KHDRBS2: variants seen among roughly 807,000 people sequenced by gnomAD.
The protein encoded by KHDRBS2 is KH domain-containing, RNA-binding, signal transduction-associated protein 2.
A neutral mutation model predicts 44.3 loss-of-function variants in KHDRBS2; 26 were observed. The ratio of observed to expected loss-of-function variants is 0.59; its 90% CI spans 0.43 to 0.81. The LOEUF is 0.81. Among genes scored for constraint, KHDRBS2 ranks in the 40% least tolerant of loss-of-function variants. The pLI, the probability that KHDRBS2 is intolerant of heterozygous loss-of-function variation, is 0.00. For missense variants in KHDRBS2, 476 were observed against 433.1 expected, an observed-to-expected ratio of 1.10 and a Z score of -0.88; for synonymous variants, 194 against 151.1, an observed-to-expected ratio of 1.28 and a Z score of -2.08.
At chr6:62,087,481 A>G (rs1402404825) in intron 2 of KHDRBS2, among the ~76,000 whole-genome samples, 12 of 152,132 alleles carry the variant, frequency 7.9e-5, no homozygotes, top group African/African-American at 2.9e-4. Context: ...GAAAATTTAA[A>G]GGCCAAAAAG....
chr6:62,040,796 A>C (rs1196523623), intron 3 of KHDRBS2, among the ~76,000 whole-genome samples: 3 of 152,104 alleles, frequency 2.0e-5, no homozygotes, highest in East Asian at 1.9e-4. Flanking sequence ...AGCTTCTTCC[A>C]ATGTAGCCCC....
At chr6:61,777,955 T>C (rs1305152332) in intron 6 of KHDRBS2, among the ~76,000 whole-genome samples, 3 of 152,080 alleles carry the variant, frequency 2.0e-5, no homozygotes, top group Non-Finnish European at 4.4e-5. Context: ...TACCCAGGTA[T>C]TAAGCCTAGT....
the KHDRBS2 span, among the ~76,000 whole-genome samples, chr6:61,628,125 C>T: frequency 6.6e-6 from 1 of 151,158 alleles, no homozygotes; most frequent in Non-Finnish European, 1.5e-5. Flanking sequence ...TCTCTTCCCA[C>T]ATTGTCAGCC....
chr6:61,994,493 A>G (rs1218712815), intron 3 of KHDRBS2, among the ~76,000 whole-genome samples: 3 of 152,348 alleles, frequency 2.0e-5, no homozygotes, highest in Admixed American at 2.0e-4. Context: ...TGCTCTAAAC[A>G]GTCACTAACA....
At chr6:61,969,326 A>G (rs1364343336) in intron 4 of KHDRBS2, among the ~76,000 whole-genome samples, 2 of 152,104 alleles carry the variant, frequency 1.3e-5, no homozygotes, top group African/African-American at 4.8e-5. Context: ...CACAGTTACT[A>G]GCAGATTGTT....
At chr6:61,782,615 A>G (rs1159312766) in intron 6 of KHDRBS2, among the ~76,000 whole-genome samples, 2 of 150,182 alleles carry the variant, frequency 1.3e-5, no homozygotes, top group African/African-American at 2.4e-5. Context: ...CTATTATTGC[A>G]TAGCAAAGAC....
chr6:62,189,032 T>C (rs1410193217), intron 1 of KHDRBS2, among the ~76,000 whole-genome samples: 3 of 152,044 alleles, frequency 2.0e-5, no homozygotes, highest in Non-Finnish European at 2.9e-5. Flanking sequence ...GGAGAATTGC[T>C]TGAACACGGG....
chr6:61,795,550 A>G (rs896567376), intron 6 of KHDRBS2, among the ~76,000 whole-genome samples: 6 of 152,256 alleles, frequency 3.9e-5, no homozygotes, highest in Non-Finnish European at 5.9e-5. Context: ...AAAAAAATCA[A>G]TGCTCACTAA....
chr6:61,891,562 C>T (rs1397122266), intron 6 of KHDRBS2, among the ~76,000 whole-genome samples: 1 of 151,836 alleles, frequency 6.6e-6, no homozygotes, highest in East Asian at 1.9e-4. Flanking sequence ...CTGTCTGGTC[C>T]TGGACTGTTT....
chr6:62,175,550 C>T (rs1437370933), intron 2 of KHDRBS2, among the ~76,000 whole-genome samples: 1 of 150,946 alleles, frequency 6.6e-6, no homozygotes, highest in African/African-American at 2.4e-5. Context: ...TCAGTTGCCT[C>T]ATCTGTAAAA....
At chr6:61,995,748 T>C (rs759885683) in intron 3 of KHDRBS2, among the ~76,000 whole-genome samples, 12 of 151,918 alleles carry the variant, frequency 7.9e-5, no homozygotes, top group Admixed American at 2.0e-4. Flanking sequence ...GGAGGGTAAT[T>C]AGCACTATGT....
At chr6:61,856,193 T>C (rs1796124593) in intron 6 of KHDRBS2, among the ~76,000 whole-genome samples, 1 of 152,154 alleles carries the variant, frequency 6.6e-6, no homozygotes, top group South Asian at 2.1e-4. Flanking sequence ...AATTTGTTTA[T>C]TCCTCCTCTT....
intron 2 of KHDRBS2, among the ~76,000 whole-genome samples, chr6:62,080,391 CAA>C (rs1797166768): frequency 6.6e-6 from 1 of 152,032 alleles, no homozygotes; most frequent in African/African-American, 2.4e-5. Flanking sequence ...AAAAACAGTT[CAA>C]AGTCATTTTT....
At chr6:62,065,355 T>A (rs1462034179) in intron 2 of KHDRBS2, among the ~76,000 whole-genome samples, 1 of 151,716 alleles carries the variant, frequency 6.6e-6, no homozygotes, top group Non-Finnish European at 1.5e-5. Context: ...GCGGCATTAT[T>A]CACAATAGCA....
intron 1 of KHDRBS2, among the ~76,000 whole-genome samples, chr6:62,228,410 T>C (rs1323068061): frequency 6.6e-6 from 1 of 152,144 alleles, no homozygotes; most frequent in African/African-American, 2.4e-5. Flanking sequence ...GATCCTTTTC[T>C]CTTCTCTTCT....
chr6:62,136,747 T>G (rs947287991), intron 2 of KHDRBS2, among the ~76,000 whole-genome samples: 1 of 152,170 alleles, frequency 6.6e-6, no homozygotes, highest in Non-Finnish European at 1.5e-5. Flanking sequence ...TCTTGGCTTC[T>G]GCCTGGCAAA....
chr6:62,095,512 T>C (rs1374982693), intron 2 of KHDRBS2, among the ~76,000 whole-genome samples: 4 of 151,896 alleles, frequency 2.6e-5, no homozygotes, highest in Non-Finnish European at 2.9e-5. Flanking sequence ...TTAACAAATA[T>C]AGTCTACATA....
intron 2 of KHDRBS2, among the ~76,000 whole-genome samples, chr6:62,065,028 A>T (rs1349309534): frequency 6.6e-6 from 1 of 152,234 alleles, no homozygotes; most frequent in African/African-American, 2.4e-5. Context: ...AAACACATGA[A>T]AAAATGCTCG....
At chr6:61,832,070 C>T (rs1011342118) in intron 6 of KHDRBS2, among the ~76,000 whole-genome samples, 1 of 152,014 alleles carries the variant, frequency 6.6e-6, no homozygotes, top group African/African-American at 2.4e-5. Flanking sequence ...GTGAGACTCC[C>T]ATCTCTACAA....
Sources: gnomAD v4.1 joint callset for allele counts (sites outside exome capture counted in the v4.1 genomes callset) on GRCh38, gnomAD v4.1.1 for gene constraint, MANE v1.5 for transcripts, NCBI Gene and HGNC (gene_info 2026-07-23, HGNC 2026-07-21) for gene names.